NXPH1: variants seen among roughly 807,000 people sequenced by gnomAD.
NXPH1 encodes the protein neurexophilin-1.
A neutral mutation model predicts 23.7 loss-of-function variants in NXPH1; 5 were observed. The observed-to-expected ratio is 0.21, with a 90% CI of 0.11 to 0.44. NXPH1 has a LOEUF of 0.44. Among genes scored for constraint, NXPH1 ranks in the 20% least tolerant of loss-of-function variants. The pLI is 0.99. For missense variants in NXPH1, 324 were observed against 321.6 expected (o/e 1.01, Z -0.06); for synonymous variants, 144 against 122.2 (o/e 1.18, Z -1.18).
chr7:8,599,591 G>A (rs1391399891), intron 2 of NXPH1, among the ~76,000 whole-genome samples: 7 of 151,994 alleles, frequency 4.6e-5, no homozygotes, highest in South Asian at 2.1e-4. Flanking sequence ...ATTTTCACCC[G>A]TTTGTCTTAC....
At chr7:8,488,280 C>T (rs1327488928) in intron 2 of NXPH1, among the ~76,000 whole-genome samples, 1 of 148,414 alleles carries the variant, frequency 6.7e-6, no homozygotes, top group Non-Finnish European at 1.5e-5. Context: ...TTACATACTA[C>T]ATCTTACATA....
intron 2 of NXPH1, among the ~76,000 whole-genome samples, chr7:8,638,418 C>T (rs1053565115): frequency 6.6e-6 from 1 of 152,170 alleles, no homozygotes; most frequent in Non-Finnish European, 1.5e-5. Flanking sequence ...TTGAAGTTTG[C>T]ATATTACCAC....
intron 2 of NXPH1, among the ~76,000 whole-genome samples, chr7:8,615,136 T>G (rs1414004648): frequency 6.6e-6 from 1 of 152,068 alleles, no homozygotes; most frequent in African/African-American, 2.4e-5. Context: ...GGGGAAAATG[T>G]ACGAATTAGA....
chr7:8,734,254 C>A (rs1319258741), intron 2 of NXPH1, among the ~76,000 whole-genome samples: 1 of 152,150 alleles, frequency 6.6e-6, no homozygotes, highest in Non-Finnish European at 1.5e-5. Flanking sequence ...GGTACCACTA[C>A]CATGCTGTTT....
At chr7:8,731,485 G>T (rs1780152987) in intron 2 of NXPH1, among the ~76,000 whole-genome samples, 1 of 152,062 alleles carries the variant, frequency 6.6e-6, no homozygotes, top group Non-Finnish European at 1.5e-5. Flanking sequence ...TCTACTTTTG[G>T]TCTTTGATGA....
chr7:8,444,127 G>C (rs1217222657), intron 2 of NXPH1, among the ~76,000 whole-genome samples: 1 of 152,232 alleles, frequency 6.6e-6, no homozygotes, highest in South Asian at 2.1e-4. Context: ...GGGAAGTTCT[G>C]TCCGTTTCTC....
intron 2 of NXPH1, among the ~76,000 whole-genome samples, chr7:8,630,207 A>G (rs1037499501): frequency 1.3e-5 from 2 of 152,106 alleles, no homozygotes; most frequent in Non-Finnish European, 2.9e-5. Flanking sequence ...TCATTAAGAG[A>G]CTTCACCTGG....
intron 2 of NXPH1, among the ~76,000 whole-genome samples, chr7:8,574,214 G>A (rs757084124): frequency 6.6e-6 from 1 of 152,070 alleles, no homozygotes; most frequent in Non-Finnish European, 1.5e-5. Context: ...CATCTGAAAA[G>A]CTAAATAAAA....
At chr7:8,594,103 A>G (rs551592513) in intron 2 of NXPH1, among the ~76,000 whole-genome samples, 1 of 152,122 alleles carries the variant, frequency 6.6e-6, no homozygotes, top group Non-Finnish European at 1.5e-5. Context: ...AAGATCCCTA[A>G]TGATTATCTA....
At chr7:8,636,571 T>C (rs1420046324) in intron 2 of NXPH1, among the ~76,000 whole-genome samples, 1 of 152,174 alleles carries the variant, frequency 6.6e-6, no homozygotes, top group Non-Finnish European at 1.5e-5. Flanking sequence ...TCAATTCCAG[T>C]GGAATGCCAA....
At chr7:8,609,706 G>C (rs1285116200) in intron 2 of NXPH1, among the ~76,000 whole-genome samples, 1 of 152,096 alleles carries the variant, frequency 6.6e-6, no homozygotes, top group African/African-American at 2.4e-5. Context: ...GGTTTTATGT[G>C]AGCAAAGAAT....
At chr7:8,476,884 A>G (rs1230747124) in intron 2 of NXPH1, among the ~76,000 whole-genome samples, 1 of 152,154 alleles carries the variant, frequency 6.6e-6, no homozygotes, top group East Asian at 1.9e-4. Flanking sequence ...TCTAACAACC[A>G]TATAGAACTA....
At chr7:8,595,104 A>C (rs73675903) in intron 2 of NXPH1, among the ~76,000 whole-genome samples, 1 of 151,872 alleles carries the variant, frequency 6.6e-6, no homozygotes, top group Non-Finnish European at 1.5e-5. Context: ...ACATCATCAT[A>C]ATGTTCTTTG....
rs533091601 is a variant in NXPH1, at chr7:8,598,441, T to C, written c.55-152567T>C. Among the ~76,000 whole-genome samples, 3 of 152,242 alleles carry C rather than the reference T, an allele frequency of 2.0e-5. No homozygotes were observed. The South Asian group carries it at 6.2e-4, about 32-fold the overall frequency. ...TGGTTCCCTTCCTTGGTGGTGGAGTTGTAACTAAAGAAGGGAAGCTGCTAT... is the reference window on the plus strand; with the variant it reads ...TGGTTCCCTTCCTTGGTGGTGGAGTCGTAACTAAAGAAGGGAAGCTGCTAT... On this transcript the variant is annotated intron_variant, in intron 2 of 2. Coordinates refer to ENST00000405863, the MANE Select transcript of NXPH1 (RefSeq NM_152745.3).
intron 2 of NXPH1, among the ~76,000 whole-genome samples, chr7:8,749,373 G>T (rs1487491770): frequency 1.3e-5 from 2 of 152,158 alleles, no homozygotes; most frequent in Non-Finnish European, 2.9e-5. Context: ...GAGCTGGGAG[G>T]GAATTCCAGG....
intron 2 of NXPH1, among the ~76,000 whole-genome samples, chr7:8,717,121 C>T (rs1454704935): frequency 1.5e-4 from 23 of 152,210 alleles, no homozygotes; most frequent in Admixed American, 1.5e-3. Context: ...GTACCTCTTT[C>T]TTTCCCTACT....
chr7:8,658,524 T>A (rs545813647), intron 2 of NXPH1, among the ~76,000 whole-genome samples: 62 of 152,344 alleles, frequency 4.1e-4, no homozygotes, highest in Middle Eastern at 3.4e-3. Flanking sequence ...AAGTTGACTT[T>A]GGGATTTTAA....
intron 2 of NXPH1, among the ~76,000 whole-genome samples, chr7:8,529,093 A>T (rs1393927425): frequency 6.6e-6 from 1 of 152,206 alleles, no homozygotes; most frequent in Non-Finnish European, 1.5e-5. Flanking sequence ...GTCATCATCA[A>T]GTTAACAGTG....
At chr7:8,604,061 T>C (rs972938369) in intron 2 of NXPH1, among the ~76,000 whole-genome samples, 1 of 151,736 alleles carries the variant, frequency 6.6e-6, no homozygotes, top group Non-Finnish European at 1.5e-5. Context: ...GGTGTGCAAA[T>C]GAGGAAAAAA....
Sources: allele counts gnomAD v4.1 joint callset (sites outside exome capture counted in the v4.1 genomes callset), GRCh38; gene constraint gnomAD v4.1.1; transcripts MANE v1.5; gene names NCBI Gene and HGNC (gene_info 2026-07-23, HGNC 2026-07-21).